Variants in EIF2AK1 observed in about 807,000 individuals in gnomAD.
EIF2AK1 encodes the protein eukaryotic translation initiation factor 2 alpha kinase 1, also known as eukaryotic translation initiation factor 2-alpha kinase 1.
Under a neutral mutation model 77.9 loss-of-function variants are expected in EIF2AK1, and 54 were observed. The ratio of observed to expected loss-of-function variants is 0.69; its 90% confidence interval spans 0.56 to 0.87. The LOEUF (loss-of-function observed/expected upper bound fraction) is 0.87, where lower values mean the gene tolerates loss of function less well. EIF2AK1 is among the 40% of genes least tolerant of loss of function. The probability of loss-of-function intolerance (pLI) is 0.00; values close to 1 mark genes in which losing one functional copy is unlikely to be tolerated. For synonymous variants in EIF2AK1, 314 were observed against 290.5 expected, an observed-to-expected ratio of 1.08 and a Z score of -0.82; for missense variants, 810 against 768.6, an observed-to-expected ratio of 1.05 and a Z score of -0.64.
chr7:6,034,283 G>T (rs1788007542), intron 11 of EIF2AK1, among the ~76,000 whole-genome samples: 1 of 151,912 alleles, frequency 6.6e-6, no homozygotes, highest in Admixed American at 6.6e-5. Flanking sequence ...CTCCAGCCTG[G>T]GCGACAGAGC....
chr7:6,040,777 C>T (rs890811478), intron 9 of EIF2AK1, 115 bp downstream of exon 9: 1 of 875,104 alleles, frequency 1.1e-6, no homozygotes, highest in Non-Finnish European at 1.8e-6. Context: ...ATGGCCAGTA[C>T]AAGAGACTGA....
intron 12 of EIF2AK1, 99 bp from the exon 13 acceptor site, chr7:6,028,796 C>A (rs1408610629): frequency 7.1e-7 from 1 of 1,414,316 alleles, no homozygotes; most frequent in African/African-American, 1.4e-5. Context: ...AAGAGAACAA[C>A]AGTTGCTTTG....
In EIF2AK1 at chr7:6,036,539, G is replaced by C. The variant is rs1485276224; in HGVS notation, c.1332+885C>G. Among the ~76,000 whole-genome samples, 1 of 150,600 alleles carries C rather than the reference G, an allele frequency of 6.6e-6. No homozygotes were observed. The highest frequency in any genetic ancestry group is 2.0e-4 in the East Asian group (1 of 5,112). ...TTGAACATGTTCCAAAATACAAAGTGATTTGTCTATTAACATTTTTGTTCC... is the reference window on the plus strand; with the variant it reads ...TTGAACATGTTCCAAAATACAAAGTCATTTGTCTATTAACATTTTTGTTCC... On this transcript the variant is annotated intron_variant, in intron 11 of 14. Coordinates refer to ENST00000199389, the MANE Select transcript of EIF2AK1 (RefSeq NM_014413.4). The surrounding 1 kb of genome is among the most constrained non-coding windows in gnomAD (Gnocchi z 4.6).
chr7:6,056,257 C>T (rs1277758660), intron 1 of EIF2AK1, among the ~76,000 whole-genome samples: 1 of 138,776 alleles, frequency 7.2e-6, no homozygotes, highest in Non-Finnish European at 1.5e-5. Flanking sequence ...CCAGCCATTG[C>T]ACTCCAGCCC....
intron 11 of EIF2AK1, among the ~76,000 whole-genome samples, chr7:6,029,329 G>A (rs368030595): frequency 1.6e-4 from 24 of 151,464 alleles, no homozygotes; most frequent in East Asian, 7.8e-4. Flanking sequence ...GTGAAAAACC[G>A]TCTCTAAAAA....
At chr7:6,048,999 A>C (rs996941146) in intron 3 of EIF2AK1, among the ~76,000 whole-genome samples, 155 bp from the exon 4 acceptor site, 2 of 152,174 alleles carry the variant, frequency 1.3e-5, no homozygotes, top group African/African-American at 4.8e-5. Flanking sequence ...TTTACAACTG[A>C]AAATACTTCA....
chr7:6,043,078 T>C, intron 7 of EIF2AK1, 85 bp from the exon 8 acceptor site: 3 of 1,329,104 alleles, frequency 2.3e-6, no homozygotes, highest in Non-Finnish European at 3.2e-6. Context: ...ATACAAATAG[T>C]GTCAAATGAG....
chr7:6,039,803 G>C (rs1407100756), intron 9 of EIF2AK1, among the ~76,000 whole-genome samples: 1 of 150,574 alleles, frequency 6.6e-6, no homozygotes, highest in East Asian at 2.0e-4. Context: ...TGGGCGTGGT[G>C]GTGGGCGCCT....
chr7:6,048,796 T>G lies in EIF2AK1; in HGVS notation c.449+11A>C. The G allele has an allele frequency of 1.3e-6, 2 of 1,582,828 alleles. No homozygotes were observed. The highest frequency in any genetic ancestry group is 1.7e-6 in the Non-Finnish European group (2 of 1,168,404). On this transcript the variant is annotated intron_variant, in intron 4 of 14. Coordinates refer to ENST00000199389, the MANE Select transcript of EIF2AK1 (RefSeq NM_014413.4). ...ATAGTCTGCATAATCAAGAAAGTTT[T>G]TCACACATACCTGATTTTCTGGATA...
At chr7:6,049,266 A>C (rs1351069590) in intron 3 of EIF2AK1, among the ~76,000 whole-genome samples, 1 of 152,142 alleles carries the variant, frequency 6.6e-6, no homozygotes, top group Non-Finnish European at 1.5e-5. Context: ...TAAATTAGGT[A>C]GGGCGCGGTG....
chr7:6,059,053 G>C lies in EIF2AK1; in HGVS notation c.31C>G (p.Arg11Gly). ...CCAGCCCCGTCGCCCTCCTCTTCGCGCTTGCGGACCCCGGAGTTGCCCCCC... is the reference window on the plus strand; with the variant it reads ...CCAGCCCCGTCGCCCTCCTCTTCGCCCTTGCGGACCCCGGAGTTGCCCCCC... MQGGNSGVRKREEEGDGAGAV... is the reference protein window; with the variant it reads MQGGNSGVRKGEEEGDGAGAV... Residue 11 changes from arginine (R) to glycine (G), a missense_variant, in exon 1 of 15, where the codon CGC becomes GGC. Arg to Gly is a moderately radical substitution (Grantham distance 125). This residue lies in a region of EIF2AK1 where 246 missense variants were observed against 199.0 expected (regional missense o/e 1.24). Transcript: ENST00000199389. The C allele has an allele frequency of 1.3e-6, 2 of 1,494,828 alleles. No homozygotes were observed. Among genetic ancestry groups the C allele is most frequent in the Non-Finnish European group, 1.8e-6 (2 of 1,127,938 alleles). 92.6% of individuals were successfully genotyped at this position (1,494,828 alleles called of 1,614,324 possible). A position where few individuals can be genotyped will look rare whatever the true frequency, so the allele number is the denominator to read the frequency against.
chr7:6,026,167 A>G (rs1315596285), intron 14 of EIF2AK1, among the ~76,000 whole-genome samples: 2 of 152,094 alleles, frequency 1.3e-5, no homozygotes, highest in Non-Finnish European at 2.9e-5. Flanking sequence ...AGGATCATGT[A>G]CAACTGGAAA....
At chr7:6,034,834 G>A in intron 11 of EIF2AK1, among the ~76,000 whole-genome samples, 1 of 152,214 alleles carries the variant, frequency 6.6e-6, no homozygotes, top group Non-Finnish European at 1.5e-5. Flanking sequence ...CTGGAGCAGG[G>A]AATGAACTTC....
At chr7:6,034,051 C>T (rs967417178) in intron 11 of EIF2AK1, among the ~76,000 whole-genome samples, 8 of 151,268 alleles carry the variant, frequency 5.3e-5, no homozygotes, top group Non-Finnish European at 1.0e-4. Context: ...GGCGCGGTGG[C>T]TCACGCCTGT....
chr7:6,022,836 G>T lies in EIF2AK1; in HGVS notation c.*1837C>A, dbSNP rs975480893. The T allele has an allele frequency of 6.3e-6, 1 of 157,898 alleles. No homozygotes were observed. Among genetic ancestry groups the T allele is most frequent in the Non-Finnish European group, 1.4e-5 (1 of 71,504 alleles). 9.8% of individuals were successfully genotyped at this position (157,898 alleles called of 1,614,324 possible). On this transcript the variant is annotated 3_prime_UTR_variant, in exon 15 of 15. Transcript: ENST00000199389. ...TTCTCATATGGCCATATAAAGATAG[G>T]ATGTTATGTATTGACTATCCCACAG...
chr7:6,038,641 T>C lies in EIF2AK1; in HGVS notation c.1150A>G (p.Met384Val). 6.2e-7 allele frequency: 1 copy of C among 1,613,198 alleles called. No homozygotes were observed. Among genetic ancestry groups the C allele is most frequent in the South Asian group, 1.1e-5 (1 of 90,914 alleles). ...CACAGCGAGAGCTCACACAGCTGCA[T>C]CTGGATGTGCAGCATCAGGTGGTAC... ...AQYHLMLHIQ[M>V]QLCELSLWDW... The change falls in exon 10 of 15, where the codon ATG becomes GTG. Residue 384 changes from methionine (M) to valine (V), a missense_variant. Physicochemically the swap from Met to Val is conservative, Grantham distance 21 (BLOSUM62 1). Around this residue, in one of 3 missense-constraint regions of EIF2AK1, gnomAD observed 549 missense variants for 533.7 expected, o/e 1.03. Transcript: ENST00000199389.
At chr7:6,053,274 G>A (rs1788658471) in intron 2 of EIF2AK1, among the ~76,000 whole-genome samples, 1 of 152,124 alleles carries the variant, frequency 6.6e-6, no homozygotes, top group Non-Finnish European at 1.5e-5. Flanking sequence ...CATGTGATGT[G>A]TAATAATCAC....
intron 1 of EIF2AK1, among the ~76,000 whole-genome samples, chr7:6,058,524 AAGCTCCAATGAAGCAAAAGACAAGAAG>A (rs1432066599): frequency 1.3e-5 from 2 of 152,118 alleles, no homozygotes; most frequent in Non-Finnish European, 2.9e-5. Flanking sequence ...AAGACAAGAA[AAGCTCCAATGAAGCAAAAGACAAGAAG>A]AGCTACAAAT....
In EIF2AK1 at chr7:6,032,727, T is replaced by G. The variant is rs557559430; in HGVS notation, c.1333-3695A>C. On this transcript the variant is annotated intron_variant, in intron 11 of 14. Transcript: ENST00000199389. The surrounding 1 kb of genome is among the most constrained non-coding windows in gnomAD (Gnocchi z 4.3). ...TTCAATGCACATACCAGAAAAAGAGTGAGCCAATGAGACACTAAATAAATG... is the reference window on the plus strand; with the variant it reads ...TTCAATGCACATACCAGAAAAAGAGGGAGCCAATGAGACACTAAATAAATG... 2 of 773,218 alleles carry G rather than the reference T, an allele frequency of 2.6e-6. No homozygotes were observed. Among genetic ancestry groups the G allele is most frequent in the African/African-American group, 1.8e-5 (1 of 56,518 alleles). 47.9% of individuals were successfully genotyped at this position (773,218 alleles called of 1,614,324 possible). A position where few individuals can be genotyped will look rare whatever the true frequency, so the allele number is the denominator to read the frequency against.
Sources: gnomAD v4.1 joint callset for allele counts (sites outside exome capture counted in the v4.1 genomes callset) on GRCh38, gnomAD v4.1.1 for gene constraint, gnomAD v4.1.1 regional missense constraint, Gnocchi (gnomAD v3.1) non-coding constraint, MANE v1.5 for transcripts, NCBI Gene and HGNC (gene_info 2026-07-23, HGNC 2026-07-21) for gene names.